The following CCDC88C variants were observed in gnomAD, a reference collection of about 807,000 sequenced individuals.
CCDC88C encodes protein Daple.
A neutral mutation model predicts 198.8 loss-of-function variants in CCDC88C; 131 were observed. The observed-to-expected ratio is 0.66, with a 90% CI of 0.57 to 0.76. The LOEUF (loss-of-function observed/expected upper bound fraction) is 0.76. CCDC88C is among the 30% of genes least tolerant of loss of function. The pLI is 0.00. For synonymous variants in CCDC88C, 1,166 were observed against 1,114.7 expected (o/e 1.05, Z -0.92); for missense variants, 2,553 against 2,631.6 (o/e 0.97, Z 0.65).
chr14:91,375,445 C>T (rs377120787), intron 3 of CCDC88C, among the ~76,000 whole-genome samples: 84 of 152,032 alleles, frequency 5.5e-4, no homozygotes, highest in African/African-American at 1.9e-3. Context: ...TTCCTTTTTT[C>T]CTTTAAGTAG....
chr14:91,389,341 G>A lies in CCDC88C; in HGVS notation c.270+19318C>T, dbSNP rs1279659295. ...CCTGGCCTTCCCGGCTTCCCCAGGG[G>A]AAAAGTCAACAACTGCTCTTGAAGA... On this transcript the variant is annotated intron_variant, in intron 3 of 29. Transcript: ENST00000389857. Among the ~76,000 whole-genome samples the A allele has an allele frequency of 3.9e-5, 6 of 152,276 alleles. No homozygotes were observed. The East Asian group carries it at 1.2e-3, about 29-fold the overall frequency.
At position 91,417,613 on chromosome 14, in the gene CCDC88C, G is replaced by A; in HGVS notation, c.60+18C>T. The A allele has an allele frequency of 1.9e-6, 3 of 1,581,428 alleles. No individual in the cohort carries two copies. Among genetic ancestry groups the A allele is most frequent in the East Asian group, 2.4e-5 (1 of 41,732 alleles). ...AGCCGGTGCACCAACAAAGGGGCGG[G>A]GAGCCAGGCGCACTCACCCAGGTCA... On this transcript the variant is annotated intron_variant, in intron 1 of 29. Coordinates refer to ENST00000389857, the MANE Select transcript of CCDC88C (RefSeq NM_001080414.4).
At chr14:91,346,002 A>C (rs1448419689) in intron 4 of CCDC88C, among the ~76,000 whole-genome samples, 3 of 152,178 alleles carry the variant, frequency 2.0e-5, no homozygotes, top group African/African-American at 7.2e-5. Context: ...CATGCCAGAA[A>C]TAGCTTTCTT....
chr14:91,414,403 G>A (rs1283485364), intron 2 of CCDC88C, among the ~76,000 whole-genome samples: 1 of 152,156 alleles, frequency 6.6e-6, no homozygotes, highest in African/African-American at 2.4e-5. Context: ...TAGGCTGTCC[G>A]ATACAGGCCA....
intron 17 of CCDC88C, among the ~76,000 whole-genome samples, chr14:91,307,643 T>C (rs1325196167): frequency 3.3e-5 from 5 of 152,204 alleles, no homozygotes; most frequent in African/African-American, 1.2e-4. Context: ...CCAAGAAGCA[T>C]GGCATGTGTT....
chr14:91,341,219 G>A (rs1893296758), intron 6 of CCDC88C, among the ~76,000 whole-genome samples: 1 of 152,194 alleles, frequency 6.6e-6, no homozygotes, highest in Non-Finnish European at 1.5e-5. Flanking sequence ...TGAGAGGCCG[G>A]TTCTAGGCCT....
At chr14:91,274,687 C>A (rs1372753481) in intron 29 of CCDC88C, among the ~76,000 whole-genome samples, 1 of 152,166 alleles carries the variant, frequency 6.6e-6, no homozygotes, top group Non-Finnish European at 1.5e-5. Context: ...CCAGTAAGAC[C>A]CGTGATATCA....
chr14:91,375,184 C>G (rs1884319143), intron 3 of CCDC88C, among the ~76,000 whole-genome samples: 1 of 152,212 alleles, frequency 6.6e-6, no homozygotes, highest in Admixed American at 6.5e-5. Context: ...GCCTGGCACA[C>G]AGCAGGGCTC....
At chr14:91,375,847 G>A (rs1435162160) in intron 3 of CCDC88C, among the ~76,000 whole-genome samples, 1 of 152,242 alleles carries the variant, frequency 6.6e-6, no homozygotes, top group Non-Finnish European at 1.5e-5. Flanking sequence ...ACCCTTTCCA[G>A]CAGGCATGCA....
At chr14:91,388,474 C>T (rs1473763861) in intron 3 of CCDC88C, among the ~76,000 whole-genome samples, 39 of 152,198 alleles carry the variant, frequency 2.6e-4, no homozygotes, top group Admixed American at 2.5e-3. Context: ...GTTCTGGAAA[C>T]GTCCAGGGCT....
In CCDC88C at chr14:91,316,520, T is replaced by G. The variant is rs144846275; in HGVS notation, c.1528-733A>C. On this transcript the variant is annotated intron_variant, in intron 13 of 29. Transcript: ENST00000389857. ...TCACTGCAACCTCCGCCTCCCAGAT[T>G]CAAGCAATTTTCCTGCCTCAGCCTC... Among the ~76,000 whole-genome samples the G allele has an allele frequency of 7.0e-3, 1,060 of 152,192 alleles. 2 individuals are homozygous for G. Among genetic ancestry groups the G allele is most frequent in the Non-Finnish European group, 9.9e-3 (674 of 68,004 alleles).
intron 22 of CCDC88C, among the ~76,000 whole-genome samples, chr14:91,296,796 T>C (rs971007811): frequency 1.3e-5 from 2 of 152,176 alleles, no homozygotes; most frequent in African/African-American, 4.8e-5. Flanking sequence ...CTCACCAGCC[T>C]TCCATGTGCT....
chr14:91,339,315 C>G lies in CCDC88C; in HGVS notation c.772G>C (p.Asp258His), dbSNP rs770482247. ...ACGCGCCGCAGCCTGGCCTTGGTGT[C>G]GGCCAGCTCTACGGCCAGGTGCTGC... Reference protein sequence around the residue: ...DKQHLAVELADTKARLRRVRQ... With the variant: ...DKQHLAVELAHTKARLRRVRQ... Residue 258 changes from aspartate (D) to histidine (H), a missense_variant, in exon 8 of 30, where the codon GAC becomes CAC. Around this residue, in one of 2 missense-constraint regions of CCDC88C, gnomAD observed 1,260 missense variants for 1,412.0 expected, o/e 0.89. Transcript: ENST00000389857. This position sits in a 1 kb window ranked among gnomAD's most constrained non-coding sequence, Gnocchi z 5.8. 3.7e-6 allele frequency: 6 copies of G among 1,613,430 alleles called. No individual in the cohort carries two copies. In the Admixed American group the frequency reaches 6.7e-5, roughly 18 times the overall value.
Position 91,313,470 on chromosome 14 carries a change from C to A in CCDC88C, c.2346G>T (p.Thr782=). 2 of 1,607,772 alleles carry A rather than the reference C, an allele frequency of 1.2e-6. No homozygotes were observed. Among genetic ancestry groups the A allele is most frequent in the Non-Finnish European group, 1.7e-6 (2 of 1,179,624 alleles). ...QQSLESSSHK[T]QTLESELGEL... is the part of the protein sequence containing the mutation. Reference sequence around the variant, plus strand: ...CGCCCAGCTCACTCTCCAAGGTCTGCGTCTTGTGGCTGCTGCTCTCCAGGC... The same window carrying A: ...CGCCCAGCTCACTCTCCAAGGTCTGAGTCTTGTGGCTGCTGCTCTCCAGGC... The change falls in exon 15 of 30, where the codon ACG becomes ACT. Residue 782 remains threonine (T), a synonymous_variant. Transcript: ENST00000389857. The surrounding 1 kb of genome is among the most constrained non-coding windows in gnomAD (Gnocchi z 5.2).
chr14:91,359,936 C>T lies in CCDC88C; in HGVS notation c.271-225G>A, dbSNP rs77010162. On this transcript the variant is annotated intron_variant, in intron 3 of 29. Transcript: ENST00000389857. ...GATTGTTAGCAAATAAAAAGTATGC[C>T]TACAAGAGATTTAATGGGGTTATGA... Among the ~76,000 whole-genome samples, 1,371 of 151,824 alleles carry T rather than the reference C, an allele frequency of 9.0e-3. 22 individuals are homozygous for T. Among genetic ancestry groups the T allele is most frequent in the African/African-American group, 0.031 (1,273 of 41,322 alleles).
At chr14:91,416,953 C>A in intron 1 of CCDC88C, 115 bp from the exon 2 acceptor site, 1 of 717,202 alleles carries the variant, frequency 1.4e-6, no homozygotes, top group Non-Finnish European at 2.4e-6. Context: ...GGGGGTCACC[C>A]ACGCCCACAC....
intron 3 of CCDC88C, among the ~76,000 whole-genome samples, chr14:91,396,606 A>C (rs1885861767): frequency 6.6e-6 from 1 of 152,132 alleles, no homozygotes; most frequent in South Asian, 2.1e-4. Context: ...TGCAAGCTTA[A>C]CATTCATCGT....
chr14:91,408,891 T>C (rs966626657), intron 2 of CCDC88C, 124 bp from the exon 3 acceptor site: 4 of 672,996 alleles, frequency 5.9e-6, no homozygotes, highest in African/African-American at 3.6e-5. Context: ...GCTGTGGCAG[T>C]TGTGGTTCAA....
chr14:91,333,652 ATTAG>A (rs1892926668), intron 10 of CCDC88C, among the ~76,000 whole-genome samples: 1 of 152,224 alleles, frequency 6.6e-6, no homozygotes, highest in African/African-American at 2.4e-5. Flanking sequence ...TAACGCACAT[ATTAG>A]TTTTTTAAAA....
Sources: allele counts gnomAD v4.1 joint callset (sites outside exome capture counted in the v4.1 genomes callset), GRCh38; gene constraint gnomAD v4.1.1; regional missense constraint gnomAD v4.1.1; non-coding constraint Gnocchi (gnomAD v3.1); transcripts MANE v1.5; gene names NCBI Gene and HGNC (gene_info 2026-07-23, HGNC 2026-07-21).